The following ISM1 variants were observed in gnomAD, a reference collection of about 807,000 sequenced individuals.
The protein encoded by ISM1 is isthmin 1, also known as isthmin-1.
Under a neutral mutation model 46.3 loss-of-function variants are expected in ISM1, and 25 were observed. The observed-to-expected ratio is 0.54, with a 90% CI of 0.39 to 0.75. ISM1 has a LOEUF of 0.75. Ranked by LOEUF, ISM1 falls within the 30% of genes least tolerant of loss-of-function variation. The pLI is 0.00. For synonymous variants in ISM1, 255 were observed against 256.7 expected, an observed-to-expected ratio of 0.99 and a Z score of 0.06; for missense variants, 536 against 625.4, an observed-to-expected ratio of 0.86 and a Z score of 1.52.
chr20:13,295,165 C>T (rs2040394985), intron 5 of ISM1, among the ~76,000 whole-genome samples: 1 of 152,196 alleles, frequency 6.6e-6, no homozygotes, highest in Non-Finnish European at 1.5e-5. Flanking sequence ...CCAAAGTCCA[C>T]CAGCCACCAA....
At position 13,252,871 on chromosome 20, in the gene ISM1, C is replaced by T. The variant is rs144671002; in HGVS notation, c.139-17633C>T. 4.2e-3 allele frequency among the ~76,000 whole-genome samples: 636 copies of T among 152,316 alleles called. 2 individuals are homozygous for T. Among genetic ancestry groups the T allele is most frequent in the African/African-American group, 0.015 (606 of 41,554 alleles). On this transcript the variant is annotated intron_variant, in intron 1 of 5. Transcript: ENST00000262487. ...TTGTCTCTCACCTTCTGTCTTCCCA[C>T]TTCTCTCATTTACTGACAGATAATT...
chr20:13,225,133 G>A (rs892885094), intron 1 of ISM1, among the ~76,000 whole-genome samples: 32 of 152,014 alleles, frequency 2.1e-4, no homozygotes, highest in East Asian at 9.7e-4. Flanking sequence ...GATTACAGGC[G>A]TGAGCCACCG....
At chr20:13,257,242 C>T (rs62201510) in intron 1 of ISM1, among the ~76,000 whole-genome samples, 280 of 152,230 alleles carry the variant, frequency 1.8e-3, no homozygotes, top group Non-Finnish European at 3.6e-3. Flanking sequence ...CGGCCAGGCT[C>T]GATGGCTCAT....
At chr20:13,288,440 A>G in intron 3 of ISM1, 100 bp from the exon 4 acceptor site, 1 of 1,281,392 alleles carries the variant, frequency 7.8e-7, no homozygotes, top group Non-Finnish European at 1.1e-6. Flanking sequence ...CCCCTCCCAC[A>G]GCGAGAAGGA....
chr20:13,240,797 G>A (rs752874015), intron 1 of ISM1, among the ~76,000 whole-genome samples: 2 of 152,214 alleles, frequency 1.3e-5, no homozygotes, highest in African/African-American at 2.4e-5. Context: ...ACAGTTCTGA[G>A]ACAGAGCCAA....
intron 1 of ISM1, among the ~76,000 whole-genome samples, chr20:13,265,129 C>T (rs1166299769): frequency 6.6e-6 from 1 of 152,160 alleles, no homozygotes; most frequent in Non-Finnish European, 1.5e-5. Flanking sequence ...CACATTTCAG[C>T]TCTGAAACCC....
rs1361380922 is a variant in ISM1, at chr20:13,270,588, C to G, written c.223C>G (p.Gln75Glu). The change falls in exon 2 of 6, where the codon CAG becomes GAG. Residue 75 changes from glutamine (Q) to glutamate (E), a missense_variant. By Grantham distance (29) the Gln-to-Glu change is conservative. Around this residue, in one of 2 missense-constraint regions of ISM1, gnomAD observed 367 missense variants for 376.1 expected, o/e 0.98. Transcript: ENST00000262487. ...KEAPREHLDH[Q>E]AAHQPFPRPR... Reference sequence around the variant, plus strand: ...AGCACCAAGGGAGCATCTGGACCACCAGGCTGCACACCAACCCTTCCCCAG... The same window carrying G: ...AGCACCAAGGGAGCATCTGGACCACGAGGCTGCACACCAACCCTTCCCCAG... The G allele has an allele frequency of 6.2e-7, 1 of 1,613,972 alleles. No homozygotes were observed. The highest frequency in any genetic ancestry group is 8.5e-7 in the Non-Finnish European group (1 of 1,179,876).
At chr20:13,296,943 G>A (rs926169600) in intron 5 of ISM1, among the ~76,000 whole-genome samples, 3 of 152,020 alleles carry the variant, frequency 2.0e-5, no homozygotes, top group African/African-American at 4.8e-5. Flanking sequence ...GCTTGAACCC[G>A]GGCAGCAGAG....
At chr20:13,313,442 A>G in the ISM1 span, among the ~76,000 whole-genome samples, 1 of 152,232 alleles carries the variant, frequency 6.6e-6, no homozygotes, top group Non-Finnish European at 1.5e-5. Context: ...AAATAAGGTA[A>G]ACACGGAGCC....
chr20:13,270,769 G>T (rs1233217713), intron 2 of ISM1, 26 bp downstream of exon 2: 1 of 1,605,022 alleles, frequency 6.2e-7, no homozygotes, highest in Non-Finnish European at 8.5e-7. Flanking sequence ...TGGAAGATGG[G>T]AGATAACAAA....
At chr20:13,225,251 G>A (rs932218887) in intron 1 of ISM1, among the ~76,000 whole-genome samples, 12 of 152,244 alleles carry the variant, frequency 7.9e-5, no homozygotes, top group African/African-American at 2.4e-4. Flanking sequence ...ATTTGCCCAA[G>A]GTTGCACAGC....
the ISM1 span, among the ~76,000 whole-genome samples, chr20:13,306,035 G>T: frequency 1.3e-5 from 2 of 152,076 alleles, no homozygotes; most frequent in African/African-American, 4.8e-5. Context: ...TGTTCTGGGA[G>T]TAATAAATGT....
At chr20:13,223,713 C>T (rs969157735) in intron 1 of ISM1, among the ~76,000 whole-genome samples, 6 of 152,182 alleles carry the variant, frequency 3.9e-5, no homozygotes, top group African/African-American at 1.4e-4. Flanking sequence ...GAGGGAATTT[C>T]TATGCGGAAG....
At position 13,270,581 on chromosome 20, in the gene ISM1, G is replaced by A. The variant is rs147432684; in HGVS notation, c.216G>A (p.Leu72=). ...CCAAAGAAGCACCAAGGGAGCATCT[G>A]GACCACCAGGCTGCACACCAACCCT... ...SLSKEAPREH[L]DHQAAHQPFP... is the part of the protein sequence containing the mutation. The change falls in exon 2 of 6, where the codon CTG becomes CTA. Residue 72 remains leucine, a synonymous_variant. Transcript: ENST00000262487. The A allele has an allele frequency of 6.2e-7, 1 of 1,613,798 alleles. No individual in the cohort carries two copies. Among genetic ancestry groups the A allele is most frequent in the Non-Finnish European group, 8.5e-7 (1 of 1,179,874 alleles).
intron 1 of ISM1, among the ~76,000 whole-genome samples, chr20:13,266,720 T>C (rs2040047048): frequency 6.6e-6 from 1 of 152,218 alleles, no homozygotes; most frequent in Admixed American, 6.5e-5. Flanking sequence ...ATGCTTTCCT[T>C]AAATTCCCAG....
the ISM1 span, among the ~76,000 whole-genome samples, chr20:13,321,253 T>TAAAAAAAAAAAAAAAAAAAAAA: frequency 9.0e-4 from 52 of 57,512 alleles, 1 homozygote; most frequent in Middle Eastern, 0.012. Context: ...GTGCCCCACA[T>TAAAAAAAAAAAAAAAAAAAAAA]AAAAAAAAAA....
intron 1 of ISM1, among the ~76,000 whole-genome samples, chr20:13,247,221 A>G (rs1258383900): frequency 6.6e-6 from 1 of 152,152 alleles, no homozygotes; most frequent in Admixed American, 6.5e-5. Flanking sequence ...AAAAAATGTG[A>G]ATCTCCGTCT....
chr20:13,235,817 C>T (rs148387336), intron 1 of ISM1, among the ~76,000 whole-genome samples: 1,863 of 152,302 alleles, frequency 0.012, 44 homozygotes, highest in African/African-American at 0.041. Context: ...ACCACTTTCC[C>T]TGATGAAAGG....
intron 2 of ISM1, 32 bp downstream of exon 2, chr20:13,270,775 A>G (rs2040105365): frequency 6.3e-7 from 1 of 1,599,044 alleles, no homozygotes; most frequent in Non-Finnish European, 8.5e-7. Flanking sequence ...ATGGGAGATA[A>G]CAAAACAGTC....
Sources: gnomAD v4.1 joint callset for allele counts (sites outside exome capture counted in the v4.1 genomes callset) on GRCh38, gnomAD v4.1.1 for gene constraint, gnomAD v4.1.1 regional missense constraint, MANE v1.5 for transcripts, NCBI Gene and HGNC (gene_info 2026-07-23, HGNC 2026-07-21) for gene names.